The following APH1A variants were observed in gnomAD, a reference collection of about 807,000 sequenced individuals.
The protein encoded by APH1A is aph-1A gamma-secretase subunit.
APH1A carries 16 observed loss-of-function variants against 30.3 expected under a neutral mutation model. That is an observed-to-expected ratio of 0.53 (90% confidence interval 0.36 to 0.80). The LOEUF is 0.80. APH1A is among the 30% of genes least tolerant of loss of function. The pLI is 0.01. For synonymous variants in APH1A, 144 were observed against 140.1 expected (o/e 1.03, Z -0.20); for missense variants, 245 against 337.8 (o/e 0.73, Z 2.15).
chr1:150,267,817 T>C (rs1560034694), intron 2 of APH1A, 28 bp from the exon 3 acceptor site: 1 of 1,613,422 alleles, frequency 6.2e-7, no homozygotes, highest in East Asian at 2.2e-5. Flanking sequence ...AGGGGAAACA[T>C]GAGGGAGGGC....
At chr1:150,266,427 A>G (rs1651717816) in intron 6 of APH1A, 106 bp downstream of exon 6, 1 of 1,572,404 alleles carries the variant, frequency 6.4e-7, no homozygotes, top group South Asian at 1.2e-5. Context: ...CGAGAAGGAG[A>G]CAGAGAATGT....
At chr1:150,266,233 G>A (rs1163157748) in intron 6 of APH1A, 39 bp from the exon 7 acceptor site, 2 of 1,573,318 alleles carry the variant, frequency 1.3e-6, no homozygotes, top group Non-Finnish European at 8.6e-7. Flanking sequence ...GGCAGGGTGA[G>A]AGCAGAGCAC....
At chr1:150,267,896 C>T in intron 2 of APH1A, 61 bp downstream of exon 2, 2 of 1,612,498 alleles carry the variant, frequency 1.2e-6, no homozygotes, top group South Asian at 1.1e-5. Flanking sequence ...CCAGGGGCTG[C>T]CCCACTTCCC....
At chr1:150,266,322 C>T in intron 6 of APH1A, 128 bp from the exon 7 acceptor site, 1 of 1,489,656 alleles carries the variant, frequency 6.7e-7, no homozygotes, top group Admixed American at 2.3e-5. Flanking sequence ...CCACCAGTCA[C>T]TGACTGGCTG....
At position 150,266,131 on chromosome 1, in the gene APH1A, C is replaced by A; in HGVS notation, c.797G>T (p.Ter266LeuextTer14). Reference sequence around the variant, plus strand: ...CCCAGGGGTCCCCCCTAGGTTCCCTCAGTCCTCGGGTGGGATGCGCAGGGC... The same window carrying A: ...CCCAGGGGTCCCCCCTAGGTTCCCTAAGTCCTCGGGTGGGATGCGCAGGGC... ...YSALRIPPED[*>L] The change falls in exon 7 of 7, where the codon TGA (stop) becomes TTA (leucine). Residue 266 changes from the stop codon to leucine, a stop_lost. Transcript: ENST00000369109. 5.6e-6 allele frequency: 9 copies of A among 1,595,316 alleles called. No individual in the cohort carries two copies. Among genetic ancestry groups the A allele is most frequent in the Non-Finnish European group, 6.8e-6 (8 of 1,170,640 alleles).
Position 150,267,302 on chromosome 1 carries a change from G to A in APH1A, c.481+54C>T. On this transcript the variant is annotated intron_variant, in intron 4 of 6. Coordinates refer to ENST00000369109, the MANE Select transcript of APH1A (RefSeq NM_001077628.3). ...TCTCTCAGGGAAGGCCAATAAATCA[G>A]ATCAGGGACAAGGATGGATGGGGGG... 2.5e-6 allele frequency: 4 copies of A among 1,613,358 alleles called. No homozygotes were observed. The South Asian group carries it at 4.4e-5, about 18-fold the overall frequency.
At position 150,266,556 on chromosome 1, in the gene APH1A, C is replaced by T. The variant is rs368536742; in HGVS notation, c.710G>A (p.Arg237Gln). The T allele has an allele frequency of 6.2e-6, 10 of 1,613,980 alleles. No homozygotes were observed. Among genetic ancestry groups the T allele is most frequent in the Non-Finnish European group, 8.5e-6 (10 of 1,180,024 alleles). ...WAFITAGGSL[R>Q]SIQRSLLCRR... Reference sequence around the variant, plus strand: ...ACACAAGAGGCTGCGCTGAATACTTCGGAGGGACCCTCCAGCTGTGATGAA... The same window carrying T: ...ACACAAGAGGCTGCGCTGAATACTTTGGAGGGACCCTCCAGCTGTGATGAA... The change falls in exon 6 of 7, where the codon CGA becomes CAA. Residue 237 changes from arginine to glutamine, a missense_variant. Transcript: ENST00000369109.
At chr1:150,266,833 A>C in intron 5 of APH1A, 177 bp from the exon 6 acceptor site, 1 of 1,039,584 alleles carries the variant, frequency 9.6e-7, no homozygotes, top group Middle Eastern at 2.9e-4. Flanking sequence ...TCAGAAACTC[A>C]AAGGTTTCTG....
Position 150,268,011 on chromosome 1 carries a change from G to A in APH1A, c.230C>T (p.Ala77Val). Residue 77 changes from alanine (A) to valine (V), a missense_variant, in exon 2 of 7, where the codon GCT becomes GTT. By Grantham distance (64) the Ala-to-Val change is moderately conservative. Coordinates refer to ENST00000369109, the MANE Select transcript of APH1A (RefSeq NM_001077628.3). ...LQYGLLIFGA[A>V]VSVLLQEVFR... is the part of the protein sequence containing the mutation. ...CACCTCCTGTAGAAGGACAGAGACAGCAGCACCAAAAATCAGGAGGCCGTA... is the reference window on the plus strand; with the variant it reads ...CACCTCCTGTAGAAGGACAGAGACAACAGCACCAAAAATCAGGAGGCCGTA... 2 of 1,614,176 alleles carry A rather than the reference G, an allele frequency of 1.2e-6. No individual in the cohort carries two copies. Among genetic ancestry groups the A allele is most frequent in the South Asian group, 2.2e-5 (2 of 91,082 alleles).
intron 5 of APH1A, chr1:150,266,868 C>T: frequency 9.5e-7 from 1 of 1,048,114 alleles, no homozygotes; most frequent in Non-Finnish European, 1.4e-6. Flanking sequence ...CTCAGGCCCT[C>T]TGCATTACAG....
chr1:150,267,308 G>C (rs782399735), intron 4 of APH1A, 48 bp downstream of exon 4: 1 of 1,613,386 alleles, frequency 6.2e-7, no homozygotes, highest in Non-Finnish European at 8.5e-7. Context: ...ATCAGATCAG[G>C]GACAAGGATG....
intron 1 of APH1A, 99 bp downstream of exon 1, chr1:150,268,599 C>A: frequency 8.2e-7 from 1 of 1,213,398 alleles, no homozygotes; most frequent in Non-Finnish European, 1.2e-6. Flanking sequence ...TCCGACTTAT[C>A]GTCCCCAATT....
chr1:150,266,867 T>C, intron 5 of APH1A: 1 of 1,041,390 alleles, frequency 9.6e-7, no homozygotes, highest in Non-Finnish European at 1.4e-6. Context: ...CCTCAGGCCC[T>C]CTGCATTACA....
In APH1A at chr1:150,268,682, CG is replaced by C; in HGVS notation, c.113+15del. 1 of 1,602,672 alleles carries C rather than the reference CG, an allele frequency of 6.2e-7. No homozygotes were observed. Reference sequence around the variant, plus strand: ...CTCTTCGACGCTCTCCCGCGTCTCCCGGGCCCTCTACTCACCCTGCGACCAG... The same window carrying C: ...CTCTTCGACGCTCTCCCGCGTCTCCCGGCCCTCTACTCACCCTGCGACCAG... On this transcript the variant is annotated intron_variant, in intron 1 of 6. Coordinates refer to ENST00000369109, the MANE Select transcript of APH1A (RefSeq NM_001077628.3).
chr1:150,267,045 C>A, intron 5 of APH1A, 30 bp downstream of exon 5: 1 of 1,613,352 alleles, frequency 6.2e-7, no homozygotes, highest in South Asian at 1.1e-5. Flanking sequence ...ATGCTTTTCT[C>A]CCTAACTCAG....
chr1:150,266,712 C>A, intron 5 of APH1A, 56 bp from the exon 6 acceptor site: 1 of 1,581,946 alleles, frequency 6.3e-7, no homozygotes, highest in Middle Eastern at 1.7e-4. Flanking sequence ...ACCTAATCCC[C>A]ATATTCTCTC....
chr1:150,267,186 G>C lies in APH1A; in HGVS notation c.498C>G (p.Ala166=). The change falls in exon 5 of 7, where the codon GCC becomes GCG. Residue 166 remains alanine, a synonymous_variant. Coordinates refer to ENST00000369109, the MANE Select transcript of APH1A (RefSeq NM_001077628.3). ...CCCAAAAGGTATGGAGCAGGATAAT[G>C]GCTGCTGTCAGAAAGGCTGCAGGGA... is the stretch of plus-strand genomic sequence containing the variant. ...YFLTSAFLTA[A]IILLHTFWGV... The C allele has an allele frequency of 6.2e-7, 1 of 1,614,150 alleles. No individual in the cohort carries two copies. Among genetic ancestry groups the C allele is most frequent in the Non-Finnish European group, 8.5e-7 (1 of 1,180,046 alleles).
chr1:150,267,559 C>T, intron 3 of APH1A, 81 bp from the exon 4 acceptor site: 2 of 1,591,200 alleles, frequency 1.3e-6, no homozygotes, highest in South Asian at 2.3e-5. Flanking sequence ...TTCCCGGTTA[C>T]AATTCTTTCA....
chr1:150,266,385 A>G, intron 6 of APH1A, 148 bp downstream of exon 6: 2 of 1,501,776 alleles, frequency 1.3e-6, no homozygotes, highest in Non-Finnish European at 1.8e-6. Context: ...AAAAGGACAA[A>G]GCAAAACCCT....
Sources: gnomAD v4.1 joint callset for allele counts on GRCh38, gnomAD v4.1.1 for gene constraint, MANE v1.5 for transcripts, NCBI Gene and HGNC (gene_info 2026-07-23, HGNC 2026-07-21) for gene names.